XRCC4: variants seen among roughly 807,000 people sequenced by gnomAD.
The protein encoded by XRCC4 is X-ray repair cross complementing 4.
In XRCC4, 28 loss-of-function variants were observed where a neutral mutation model predicts 39.1. The ratio of observed to expected loss-of-function variants is 0.72; its 90% CI spans 0.53 to 0.98. XRCC4 has a LOEUF of 0.98. XRCC4 is among the 50% of genes least tolerant of loss of function. The probability of loss-of-function intolerance (pLI) is 0.00; values close to 1 mark genes in which losing one functional copy is unlikely to be tolerated. For missense variants in XRCC4, 350 were observed against 376.4 expected (o/e 0.93, Z 0.58); for synonymous variants, 123 against 126.4 (o/e 0.97, Z 0.18).
intron 7 of XRCC4, among the ~76,000 whole-genome samples, chr5:83,279,027 A>T (rs2112948530): frequency 6.9e-6 from 1 of 145,860 alleles, no homozygotes; most frequent in Admixed American, 6.9e-5. Flanking sequence ...AAAAAGATAT[A>T]TATATTTTAT....
At chr5:83,180,329 A>G (rs1196743645) in intron 3 of XRCC4, among the ~76,000 whole-genome samples, 1 of 152,122 alleles carries the variant, frequency 6.6e-6, no homozygotes, top group East Asian at 1.9e-4. Flanking sequence ...GAGTGATATG[A>G]GGGTAAAAGG....
At chr5:83,294,227 G>A (rs1755019684) in intron 7 of XRCC4, among the ~76,000 whole-genome samples, 1 of 151,968 alleles carries the variant, frequency 6.6e-6, no homozygotes, top group African/African-American at 2.4e-5. Flanking sequence ...AAGTTTCTAA[G>A]TACACAAGAG....
chr5:83,134,378 T>C (rs1747774590), intron 3 of XRCC4, among the ~76,000 whole-genome samples: 1 of 152,144 alleles, frequency 6.6e-6, no homozygotes, highest in Non-Finnish European at 1.5e-5. Flanking sequence ...AATGCACCAT[T>C]CAGCACTCTG....
chr5:83,113,394 GTGTC>G (rs1394472050), intron 3 of XRCC4, among the ~76,000 whole-genome samples: 1 of 152,168 alleles, frequency 6.6e-6, no homozygotes, highest in Non-Finnish European at 1.5e-5. Context: ...CTGGCATTGA[GTGTC>G]TGTGGCTTTC....
At chr5:83,270,628 A>G (rs993580865) in intron 7 of XRCC4, among the ~76,000 whole-genome samples, 7 of 151,924 alleles carry the variant, frequency 4.6e-5, no homozygotes, top group Non-Finnish European at 7.4e-5. Flanking sequence ...CAGACTTTCC[A>G]TCCCTTTCCT....
chr5:83,172,515 G>A (rs1470557712), intron 3 of XRCC4, among the ~76,000 whole-genome samples: 2 of 152,124 alleles, frequency 1.3e-5, no homozygotes, highest in African/African-American at 4.8e-5. Flanking sequence ...TATAAATCTA[G>A]AAGGATGAAG....
At position 83,162,808 on chromosome 5, in the gene XRCC4, A is replaced by G. The variant is rs138974550; in HGVS notation, c.316-32962A>G. On this transcript the variant is annotated intron_variant, in intron 3 of 7. Transcript: ENST00000396027. ...TCTTGTCCCTAGTGGTCACCATGTC[A>G]GCCATCATGTGGTGGACATCTGTGA... Among the ~76,000 whole-genome samples the G allele has an allele frequency of 3.2e-3, 482 of 152,318 alleles. 2 individuals are homozygous for G. Among genetic ancestry groups the G allele is most frequent in the African/African-American group, 0.011 (459 of 41,570 alleles).
chr5:83,258,935 G>A, intron 7 of XRCC4: 2 of 373,178 alleles, frequency 5.4e-6, no homozygotes, highest in South Asian at 5.4e-5. Flanking sequence ...GAAATGGCAT[G>A]TAGGATACAA....
At chr5:83,145,910 G>A (rs1037679436) in intron 3 of XRCC4, among the ~76,000 whole-genome samples, 7 of 147,996 alleles carry the variant, frequency 4.7e-5, no homozygotes, top group African/African-American at 1.7e-4. Flanking sequence ...TGTTATCTAT[G>A]ATAGGGTTGT....
intron 7 of XRCC4, among the ~76,000 whole-genome samples, chr5:83,274,495 G>A (rs1580453329): frequency 6.6e-6 from 1 of 152,266 alleles, no homozygotes; most frequent in East Asian, 1.9e-4. Context: ...ATGGTGGGGA[G>A]CAAAACAGCT....
chr5:83,346,348 C>T (rs1045110451), intron 7 of XRCC4, among the ~76,000 whole-genome samples: 1 of 152,094 alleles, frequency 6.6e-6, no homozygotes, highest in Non-Finnish European at 1.5e-5. Flanking sequence ...AGTGACCTGA[C>T]CAAAATTTCT....
intron 2 of XRCC4, among the ~76,000 whole-genome samples, chr5:83,106,069 T>G (rs1746184787): frequency 6.6e-6 from 1 of 152,154 alleles, no homozygotes; most frequent in African/African-American, 2.4e-5. Context: ...ATAAAGAATT[T>G]TCAGGGGTAA....
At position 83,105,046 on chromosome 5, in the gene XRCC4, T is replaced by C. The variant is rs587779351; in HGVS notation, c.127T>C (p.Trp43Arg). 11 of 1,612,886 alleles carry C rather than the reference T, an allele frequency of 6.8e-6. No individual in the cohort carries two copies. In the South Asian group the frequency reaches 1.2e-4, roughly 18 times the overall value. Residue 43 changes from tryptophan to arginine, a missense_variant, in exon 2 of 8, where the codon TGG becomes CGG. Transcript: ENST00000396027. ...VITLTDGHSA[W>R]TGTVSESEIS... The stretch of plus-strand genomic sequence containing the variant: ...TACACTTACTGATGGTCATTCAGCA[T>C]GGACTGGGACAGGTAATACTAAAAA...
At chr5:83,277,426 T>C (rs3885676) in intron 7 of XRCC4, among the ~76,000 whole-genome samples, 41,834 of 152,110 alleles carry the variant, frequency 0.28, 9,778 homozygotes, top group East Asian at 0.65. Context: ...AATAAGGAGA[T>C]AGCACGGAGT....
chr5:83,204,586 T>A (rs1216270529), intron 5 of XRCC4, among the ~76,000 whole-genome samples: 2 of 152,088 alleles, frequency 1.3e-5, no homozygotes, highest in African/African-American at 4.8e-5. Context: ...TAATATTAAT[T>A]ATAATAAGTA....
chr5:83,082,729 T>TA (rs1211381529), intron 1 of XRCC4, among the ~76,000 whole-genome samples: 3 of 132,580 alleles, frequency 2.3e-5, no homozygotes, highest in African/African-American at 1.0e-4. Context: ...CATTATGAGA[T>TA]TTTTTTTTTT....
intron 1 of XRCC4, among the ~76,000 whole-genome samples, chr5:83,094,606 C>A (rs962925156): frequency 6.6e-6 from 1 of 151,012 alleles, no homozygotes; most frequent in Non-Finnish European, 1.5e-5. Context: ...GTTTCTATTT[C>A]TTTGTCAAAC....
chr5:83,109,698 T>G (rs576836975), intron 2 of XRCC4, among the ~76,000 whole-genome samples: 1 of 152,000 alleles, frequency 6.6e-6, no homozygotes, highest in African/African-American at 2.4e-5. Flanking sequence ...AAGTAATTGA[T>G]GAGAATTAAA....
chr5:83,231,857 CTG>C (rs909445279), intron 6 of XRCC4, among the ~76,000 whole-genome samples: 2 of 152,100 alleles, frequency 1.3e-5, no homozygotes, highest in African/African-American at 2.4e-5. Context: ...GATTCATTGA[CTG>C]TGGTTGATTA....
Sources: allele counts gnomAD v4.1 joint callset (sites outside exome capture counted in the v4.1 genomes callset), GRCh38; gene constraint gnomAD v4.1.1; transcripts MANE v1.5; gene names NCBI Gene and HGNC (gene_info 2026-07-23, HGNC 2026-07-21).